Variants in PLXDC2 observed in about 807,000 individuals in gnomAD.
PLXDC2 encodes the protein plexin domain containing 2, also known as plexin domain-containing protein 2.
Under a neutral mutation model 68.9 loss-of-function variants are expected in PLXDC2, and 40 were observed. That is an observed-to-expected ratio of 0.58 (90% CI 0.45 to 0.76). The LOEUF (loss-of-function observed/expected upper bound fraction) is 0.76, where lower values mean the gene tolerates loss of function less well. Ranked by LOEUF, PLXDC2 falls within the 30% of genes least tolerant of loss-of-function variation. PLXDC2 has a pLI of 0.00. For synonymous variants in PLXDC2, 243 were observed against 234.2 expected (o/e 1.04, Z -0.34); for missense variants, 644 against 661.9 (o/e 0.97, Z 0.30).
At chr10:19,889,156 A>T (rs1332576474) in intron 1 of PLXDC2, among the ~76,000 whole-genome samples, 2 of 151,978 alleles carry the variant, frequency 1.3e-5, no homozygotes, top group Admixed American at 6.6e-5. Flanking sequence ...CTTGTTTATG[A>T]CTTAAAGTGC....
At chr10:20,207,865 T>TGA (rs3048979) in intron 9 of PLXDC2, among the ~76,000 whole-genome samples, 116,049 of 151,578 alleles carry the variant, frequency 0.77, 44,873 homozygotes, top group East Asian at 0.89. Context: ...CCTGAGAGAA[T>TGA]GAGAGATTGT....
chr10:20,173,488 G>A (rs916645500), intron 7 of PLXDC2, among the ~76,000 whole-genome samples: 2 of 152,170 alleles, frequency 1.3e-5, no homozygotes, highest in African/African-American at 2.4e-5. Flanking sequence ...AAGATTCTTG[G>A]TGTTTCCATA....
intron 1 of PLXDC2, among the ~76,000 whole-genome samples, chr10:19,824,340 A>G (rs372538202): frequency 5.3e-5 from 8 of 152,264 alleles, no homozygotes; most frequent in East Asian, 3.9e-4. Context: ...TAGCTTACCT[A>G]TGTCTTCATC....
In PLXDC2 at chr10:20,217,596, C is replaced by CT. The variant is rs66483508; in HGVS notation, c.1273+48dup. The CT allele has an allele frequency of 0.039, 30,180 of 779,400 alleles. 606 individuals are homozygous for CT. The highest frequency in any genetic ancestry group is 0.054 in the East Asian group (626 of 11,608). 48.3% of individuals were successfully genotyped at this position (779,400 alleles called of 1,614,324 possible). A position where few individuals can be genotyped will look rare whatever the true frequency, so the allele number is the denominator to read the frequency against. On this transcript the variant is annotated intron_variant, in intron 11 of 13. Transcript: ENST00000377252. ...CAGAAGGTACCCAAGAGATAGTTTGCTTTTTTTTTTTTTTTTTTTTTTTTT... is the reference window on the plus strand; with the variant it reads ...CAGAAGGTACCCAAGAGATAGTTTGCTTTTTTTTTTTTTTTTTTTTTTTTTT...
At chr10:20,027,780 G>A (rs560701975) in intron 2 of PLXDC2, among the ~76,000 whole-genome samples, 7 of 151,460 alleles carry the variant, frequency 4.6e-5, no homozygotes, top group South Asian at 2.1e-4. Context: ...TTTGGAACAC[G>A]TATAGGTGCA....
chr10:19,885,818 G>A (rs543866031), intron 1 of PLXDC2, among the ~76,000 whole-genome samples: 11 of 152,150 alleles, frequency 7.2e-5, no homozygotes, highest in Non-Finnish European at 1.2e-4. Flanking sequence ...TTTGGCTTAG[G>A]ATTGACTTGG....
At chr10:20,111,227 C>T (rs916347533) in intron 4 of PLXDC2, among the ~76,000 whole-genome samples, 6 of 152,128 alleles carry the variant, frequency 3.9e-5, no homozygotes, top group African/African-American at 1.2e-4. Flanking sequence ...TTCTAAAGTG[C>T]CTTAACATGT....
At chr10:20,233,271 A>G (rs1237684510) in intron 12 of PLXDC2, among the ~76,000 whole-genome samples, 1 of 152,006 alleles carries the variant, frequency 6.6e-6, no homozygotes, top group Non-Finnish European at 1.5e-5. Context: ...CACATCTGCA[A>G]TCCCAGCACT....
At chr10:20,044,211 G>GTCTTTCTTTCTTCCTTTCTTTCTT (rs1835743268) in intron 2 of PLXDC2, among the ~76,000 whole-genome samples, 1 of 68,548 alleles carries the variant, frequency 1.5e-5, no homozygotes, top group South Asian at 6.1e-4. Context: ...CTCTCTCTCT[G>GTCTTTCTTTCTTCCTTTCTTTCTT]TCTTTCTTTC....
At chr10:20,015,038 G>A (rs959520619) in intron 2 of PLXDC2, among the ~76,000 whole-genome samples, 7 of 152,184 alleles carry the variant, frequency 4.6e-5, no homozygotes, top group African/African-American at 1.4e-4. Flanking sequence ...CAGCTTTGAA[G>A]CAGTCCGTGA....
At chr10:19,970,071 G>C (rs1589562491) in intron 1 of PLXDC2, among the ~76,000 whole-genome samples, 1 of 152,174 alleles carries the variant, frequency 6.6e-6, no homozygotes, top group African/African-American at 2.4e-5. Context: ...TCTTGAACTT[G>C]CCTCTGTCCC....
At chr10:20,258,804 G>C (rs1835775083) in intron 13 of PLXDC2, among the ~76,000 whole-genome samples, 1 of 151,978 alleles carries the variant, frequency 6.6e-6, no homozygotes. Flanking sequence ...TCAGGAGATC[G>C]AGACCATCCT....
Position 20,044,203 on chromosome 10 carries a change from CTCTCTCTGTCTTTCTT to C in PLXDC2, c.325-2662_325-2647del, listed in dbSNP as rs1835740428. On this transcript the variant is annotated intron_variant, in intron 2 of 13. Transcript: ENST00000377252. Reference sequence around the variant, plus strand: ...CTTCTTTCTTTCTTTCTCTCTCTCTCTCTCTCTGTCTTTCTTTCTTTCTTTCTTTCTTTCTTTCTTT... The same window carrying C: ...CTTCTTTCTTTCTTTCTCTCTCTCTCTCTTTCTTTCTTTCTTTCTTTCTTT... Among the ~76,000 whole-genome samples the C allele has an allele frequency of 2.3e-5, 3 of 131,210 alleles. 1 individual carries two copies. The highest frequency in any genetic ancestry group is 9.2e-5 in the African/African-American group (3 of 32,756). The allele number at this position is 131,210 out of a possible 152,430, so 86.1% of individuals were successfully genotyped here. A position where few individuals can be genotyped will look rare whatever the true frequency, so the allele number is the denominator to read the frequency against.
At chr10:20,261,715 G>A (rs1176441979) in intron 13 of PLXDC2, among the ~76,000 whole-genome samples, 1 of 152,054 alleles carries the variant, frequency 6.6e-6, no homozygotes, top group Non-Finnish European at 1.5e-5. Context: ...TTATCCGGGG[G>A]TGGTAGCGCA....
At chr10:19,887,431 A>G (rs951645729) in intron 1 of PLXDC2, among the ~76,000 whole-genome samples, 1 of 152,168 alleles carries the variant, frequency 6.6e-6, no homozygotes, top group Non-Finnish European at 1.5e-5. Context: ...CTGAGGCAGG[A>G]GAATCGCTTG....
chr10:20,085,277 G>C (rs1438383352), intron 4 of PLXDC2, among the ~76,000 whole-genome samples: 3 of 152,066 alleles, frequency 2.0e-5, no homozygotes, highest in Admixed American at 1.3e-4. Context: ...GTGTGCAGCA[G>C]GTGGCTAGCA....
chr10:19,921,410 G>A (rs942781865), intron 1 of PLXDC2, among the ~76,000 whole-genome samples: 6 of 152,054 alleles, frequency 3.9e-5, no homozygotes, highest in Non-Finnish European at 5.9e-5. Context: ...CGTCTTCCTC[G>A]TAACTAATAA....
chr10:19,921,409 C>T (rs767901201), intron 1 of PLXDC2, among the ~76,000 whole-genome samples: 3 of 152,080 alleles, frequency 2.0e-5, no homozygotes, highest in South Asian at 2.1e-4. Context: ...CCGTCTTCCT[C>T]GTAACTAATA....
At chr10:19,948,016 G>A (rs1006728085) in intron 1 of PLXDC2, among the ~76,000 whole-genome samples, 4 of 152,126 alleles carry the variant, frequency 2.6e-5, no homozygotes, top group Non-Finnish European at 5.9e-5. Flanking sequence ...TAACTAAATG[G>A]CATCATGTAC....
Sources: gnomAD v4.1 joint callset for allele counts (sites outside exome capture counted in the v4.1 genomes callset) on GRCh38, gnomAD v4.1.1 for gene constraint, MANE v1.5 for transcripts, NCBI Gene and HGNC (gene_info 2026-07-23, HGNC 2026-07-21) for gene names.